Variants in ROCK1 observed in about 807,000 individuals in gnomAD.
The protein encoded by ROCK1 is rho-associated protein kinase 1.
Under a neutral mutation model 196.8 loss-of-function variants are expected in ROCK1, and 36 were observed. The observed-to-expected ratio is 0.18, with a 90% CI of 0.14 to 0.24. The LOEUF is 0.24. Ranked by LOEUF, ROCK1 falls within the 10% of genes least tolerant of loss-of-function variation. The pLI, the probability that ROCK1 is intolerant of heterozygous loss-of-function variation, is 1.00. For synonymous variants in ROCK1, 443 were observed against 515.9 expected (o/e 0.86, Z 1.91); for missense variants, 920 against 1,562.0 (o/e 0.59, Z 6.93).
At chr18:20,979,490 C>T (rs1451139257) in intron 22 of ROCK1, among the ~76,000 whole-genome samples, 13 of 151,812 alleles carry the variant, frequency 8.6e-5, no homozygotes, top group Admixed American at 5.9e-4. Context: ...AGCGTGGTGG[C>T]GCACGCCTGT....
rs77874310 is a variant in ROCK1, at chr18:21,006,918, G to C, written c.1547-128C>G. 58 of 564,706 alleles carry C rather than the reference G, an allele frequency of 1.0e-4. 1 individual carries two copies. The highest frequency in any genetic ancestry group is 9.7e-4 in the East Asian group (31 of 31,972). The allele number at this position is 564,706 out of a possible 1,614,324, so 35.0% of individuals were successfully genotyped here. On this transcript the variant is annotated intron_variant, in intron 14 of 32. Transcript: ENST00000399799. Reference sequence around the variant, plus strand: ...CAGCTACATTAGGTCCACTCCCAAAGCCAAATTCCAATTTGGAAGTACCTG... The same window carrying C: ...CAGCTACATTAGGTCCACTCCCAAACCCAAATTCCAATTTGGAAGTACCTG...
At chr18:21,054,433 C>G (rs1214297065) in intron 2 of ROCK1, among the ~76,000 whole-genome samples, 1 of 152,034 alleles carries the variant, frequency 6.6e-6, no homozygotes. Context: ...TCTAATAAAA[C>G]CCAGTGGCCT....
At chr18:20,969,725 A>G (rs1471769782) in intron 23 of ROCK1, among the ~76,000 whole-genome samples, 1 of 152,114 alleles carries the variant, frequency 6.6e-6, no homozygotes, top group Non-Finnish European at 1.5e-5. Context: ...TACTATTTCT[A>G]TTTTATAGAT....
chr18:21,051,178 T>C (rs1398803653), intron 2 of ROCK1, among the ~76,000 whole-genome samples: 6 of 152,180 alleles, frequency 3.9e-5, no homozygotes, highest in Non-Finnish European at 7.4e-5. Context: ...CCAGGTGTGG[T>C]GGCTCATGCC....
Position 20,961,956 on chromosome 18 carries a change from T to C in ROCK1, c.3353-1750A>G, listed in dbSNP as rs2035331692. 2.0e-5 allele frequency among the ~76,000 whole-genome samples: 3 copies of C among 151,742 alleles called. No homozygotes were observed. The South Asian group carries it at 6.2e-4, about 31-fold the overall frequency. On this transcript the variant is annotated intron_variant, in intron 27 of 32. Transcript: ENST00000399799. ...AATTGCTGCAATTTAGTTCATGAAG[T>C]AATTATTTTGTTGCTTAGGTAGTTC...
intron 11 of ROCK1, among the ~76,000 whole-genome samples, chr18:21,022,599 C>T (rs1296094379): frequency 6.6e-6 from 1 of 152,154 alleles, no homozygotes; most frequent in African/African-American, 2.4e-5. Context: ...CATTTCCCTA[C>T]ACCCTTTGTG....
At position 20,979,949 on chromosome 18, in the gene ROCK1, C is replaced by G; in HGVS notation, c.2615G>C (p.Arg872Thr). Reference sequence around the variant, plus strand: ...TTCCTGTATTTTCTTTAAATTTTCTCTGTTTTTTTCTTCAATTTCTTCTTT... The same window carrying G: ...TTCCTGTATTTTCTTTAAATTTTCTGTGTTTTTTTCTTCAATTTCTTCTTT... ...ELKEEIEEKNRENLKKIQELQ... is the reference protein window; with the variant it reads ...ELKEEIEEKNTENLKKIQELQ... Residue 872 changes from arginine to threonine, a missense_variant, in exon 22 of 33, where the codon AGA becomes ACA. Arg to Thr is a moderately conservative substitution (Grantham distance 71). Transcript: ENST00000399799. 6.5e-7 allele frequency: 1 copy of G among 1,546,778 alleles called. No homozygotes were observed. Among genetic ancestry groups the G allele is most frequent in the Non-Finnish European group, 8.7e-7 (1 of 1,144,654 alleles).
chr18:21,086,897 T>C lies in ROCK1; in HGVS notation c.94-16284A>G, dbSNP rs150069481. Among the ~76,000 whole-genome samples the C allele has an allele frequency of 1.5e-3, 223 of 152,286 alleles. 1 individual carries two copies. Among genetic ancestry groups the C allele is most frequent in the African/African-American group, 1.7e-3 (71 of 41,592 alleles). On this transcript the variant is annotated intron_variant, in intron 1 of 32. Coordinates refer to ENST00000399799, the MANE Select transcript of ROCK1 (RefSeq NM_005406.3). ...TGAAAGAAATAAATCTGGTATATCA[T>C]ATATCAGAAAAGAAGAACAAAATGT...
At chr18:21,027,047 T>A (rs2035964384) in intron 10 of ROCK1, among the ~76,000 whole-genome samples, 1 of 151,536 alleles carries the variant, frequency 6.6e-6, no homozygotes, top group Admixed American at 6.6e-5. Flanking sequence ...GAAGCGATTC[T>A]CCTGCCTCAG....
chr18:21,012,102 C>A (rs967902666), intron 13 of ROCK1, among the ~76,000 whole-genome samples: 36 of 152,100 alleles, frequency 2.4e-4, no homozygotes, highest in Non-Finnish European at 3.4e-4. Context: ...TACACGCTAC[C>A]ACACTTGGCT....
At chr18:20,992,968 A>G (rs1451583095) in intron 16 of ROCK1, 31 bp from the exon 17 acceptor site, 3 of 1,330,544 alleles carry the variant, frequency 2.3e-6, no homozygotes, top group African/African-American at 2.9e-5. Context: ...TCAAGTCTGT[A>G]GTCATTGAAA....
At chr18:20,952,111 GGTGGC>G (rs2035193894) in intron 32 of ROCK1, among the ~76,000 whole-genome samples, 1 of 152,182 alleles carries the variant, frequency 6.6e-6, no homozygotes, top group Admixed American at 6.5e-5. Flanking sequence ...TGCCTGGTGC[GGTGGC>G]TCATGCCTGT....
At chr18:20,954,743 A>T (rs1434902578) in intron 31 of ROCK1, 40 bp downstream of exon 31, 1 of 1,541,424 alleles carries the variant, frequency 6.5e-7, no homozygotes, top group East Asian at 2.3e-5. Flanking sequence ...ACTTAAAATT[A>T]AATTTGTTAT....
chr18:21,094,402 C>T (rs1392342422), intron 1 of ROCK1, among the ~76,000 whole-genome samples: 2 of 151,944 alleles, frequency 1.3e-5, no homozygotes, highest in Non-Finnish European at 2.9e-5. Flanking sequence ...GCTCAAACAA[C>T]TCAGGAGAAA....
chr18:20,980,082 A>T, intron 21 of ROCK1, 78 bp from the exon 22 acceptor site: 1 of 1,389,920 alleles, frequency 7.2e-7, no homozygotes, highest in Non-Finnish European at 9.4e-7. Flanking sequence ...TAAATTTAAA[A>T]AATTAACATA....
chr18:21,049,533 A>G (rs2036187810), intron 3 of ROCK1, among the ~76,000 whole-genome samples: 1 of 152,188 alleles, frequency 6.6e-6, no homozygotes. Flanking sequence ...ATTTTAGTCT[A>G]ATATTAGGAG....
Position 21,045,899 on chromosome 18 carries a change from G to GTTT in ROCK1, c.415-435_415-433dup, listed in dbSNP as rs34360056. Among the ~76,000 whole-genome samples, 165 of 62,444 alleles carry GTTT rather than the reference G, an allele frequency of 2.6e-3. 20 individuals are homozygous for GTTT. Among genetic ancestry groups the GTTT allele is most frequent in the African/African-American group, 6.7e-3 (96 of 14,324 alleles). 41.0% of individuals were successfully genotyped at this position (62,444 alleles called of 152,430 possible). Reference sequence around the variant, plus strand: ...ATAAATTTGGCTTACAGTTTCAGCTGTTTTTTTTTTTTTTTTTTTTTTTTT... The same window carrying GTTT: ...ATAAATTTGGCTTACAGTTTCAGCTGTTTTTTTTTTTTTTTTTTTTTTTTTTTT... On this transcript the variant is annotated intron_variant, in intron 4 of 32. Coordinates refer to ENST00000399799, the MANE Select transcript of ROCK1 (RefSeq NM_005406.3).
At chr18:21,035,852 G>A (rs146157397) in intron 9 of ROCK1, among the ~76,000 whole-genome samples, 78 of 152,208 alleles carry the variant, frequency 5.1e-4, no homozygotes, top group East Asian at 1.9e-3. Flanking sequence ...CTACTTAAAC[G>A]AAACACCCTG....
At chr18:20,959,059 ATATTTTATAT>A (rs2035286530) in intron 29 of ROCK1, among the ~76,000 whole-genome samples, 2 of 54,224 alleles carry the variant, frequency 3.7e-5, no homozygotes, top group African/African-American at 2.8e-4. Flanking sequence ...TATATATATT[ATATTTTATAT>A]TATATAATAT....
Sources: gnomAD v4.1 joint callset for allele counts (sites outside exome capture counted in the v4.1 genomes callset) on GRCh38, gnomAD v4.1.1 for gene constraint, MANE v1.5 for transcripts, NCBI Gene and HGNC (gene_info 2026-07-23, HGNC 2026-07-21) for gene names.